AGPS: variants seen among roughly 807,000 people sequenced by gnomAD.
AGPS encodes the protein alkylglycerone phosphate synthase.
Under a neutral mutation model 90.7 loss-of-function variants are expected in AGPS, and 26 were observed. The ratio of observed to expected loss-of-function variants is 0.29; its 90% CI spans 0.21 to 0.40. The LOEUF (loss-of-function observed/expected upper bound fraction) is 0.40. Among genes scored for constraint, AGPS ranks in the 10% least tolerant of loss-of-function variants. The pLI is 1.00. For synonymous variants in AGPS, 294 were observed against 285.3 expected (o/e 1.03, Z -0.31); for missense variants, 540 against 816.1 (o/e 0.66, Z 4.12).
At chr2:177,448,771 G>A (rs1032606762) in intron 8 of AGPS, among the ~76,000 whole-genome samples, 7 of 152,102 alleles carry the variant, frequency 4.6e-5, no homozygotes, top group African/African-American at 9.7e-5. Flanking sequence ...TCACAATCAA[G>A]ATAATGAACA....
chr2:177,441,198 G>T, intron 6 of AGPS, 162 bp downstream of exon 6: 1 of 655,512 alleles, frequency 1.5e-6, no homozygotes, highest in South Asian at 1.9e-5. Flanking sequence ...TTCTAAGTAG[G>T]ATTCCTTAAA....
chr2:177,429,924 G>T (rs1686190323), intron 2 of AGPS, among the ~76,000 whole-genome samples: 1 of 152,234 alleles, frequency 6.6e-6, no homozygotes, highest in South Asian at 2.1e-4. Flanking sequence ...GACATCGGCT[G>T]TGTCTCCCCC....
At chr2:177,497,849 G>T in intron 13 of AGPS, 84 bp downstream of exon 13, 6 of 609,606 alleles carry the variant, frequency 9.8e-6, no homozygotes, top group Middle Eastern at 3.6e-4. Context: ...CTATTGTAAG[G>T]GTGTTTTTCC....
intron 10 of AGPS, 109 bp downstream of exon 10, chr2:177,468,633 T>G: frequency 1.3e-6 from 1 of 771,650 alleles, no homozygotes; most frequent in South Asian, 1.7e-5. Context: ...TTTATATGTT[T>G]AAGGAATTTT....
chr2:177,423,272 A>G, intron 2 of AGPS, among the ~76,000 whole-genome samples: 1 of 131,202 alleles, frequency 7.6e-6, no homozygotes, highest in South Asian at 2.6e-4. Flanking sequence ...GAAGATTGTG[A>G]TATTCCTGAA....
At chr2:177,463,596 G>A (rs544747434) in intron 9 of AGPS, among the ~76,000 whole-genome samples, 1 of 151,998 alleles carries the variant, frequency 6.6e-6, no homozygotes, top group East Asian at 1.9e-4. Flanking sequence ...TTAACACTGA[G>A]GAATTAAAAA....
chr2:177,450,963 C>CATATATATATATAT (rs1400248543), intron 8 of AGPS, among the ~76,000 whole-genome samples: 3 of 6,360 alleles, frequency 4.7e-4, no homozygotes, highest in South Asian at 3.5e-3. Flanking sequence ...ACATGTCTTT[C>CATATATATATATAT]ATATATATAT....
chr2:177,459,925 T>A (rs970223183), intron 8 of AGPS, among the ~76,000 whole-genome samples: 1 of 152,156 alleles, frequency 6.6e-6, no homozygotes, highest in Admixed American at 6.5e-5. Flanking sequence ...CAAATGTCCA[T>A]CAATGATAGA....
chr2:177,444,502 A>G (rs1686711023), intron 7 of AGPS, among the ~76,000 whole-genome samples: 1 of 152,144 alleles, frequency 6.6e-6, no homozygotes, highest in Non-Finnish European at 1.5e-5. Context: ...ATGTAACATA[A>G]AACTAAAAGT....
intron 1 of AGPS, among the ~76,000 whole-genome samples, chr2:177,418,051 T>C (rs1685837087): frequency 6.6e-6 from 1 of 152,126 alleles, no homozygotes; most frequent in Admixed American, 6.5e-5. Flanking sequence ...CTGTTTTGGG[T>C]ATAAATGCAT....
chr2:177,436,625 T>A, intron 3 of AGPS, 139 bp from the exon 4 acceptor site: 1 of 751,620 alleles, frequency 1.3e-6, no homozygotes, highest in Non-Finnish European at 2.2e-6. Flanking sequence ...TCTATATATG[T>A]TGTGTTGTAT....
chr2:177,428,139 G>A (rs903663878), intron 2 of AGPS, among the ~76,000 whole-genome samples: 1 of 152,084 alleles, frequency 6.6e-6, no homozygotes, highest in African/African-American at 2.4e-5. Context: ...TCAGAAACTA[G>A]GATTGCGACA....
intron 19 of AGPS, among the ~76,000 whole-genome samples, chr2:177,531,066 TA>T (rs2105741288): frequency 6.6e-6 from 1 of 152,298 alleles, no homozygotes; most frequent in Non-Finnish European, 1.5e-5. Flanking sequence ...CAGCTGCTGT[TA>T]CCTTTTTTTG....
chr2:177,402,479 G>C (rs1393711127), intron 1 of AGPS, among the ~76,000 whole-genome samples: 1 of 152,220 alleles, frequency 6.6e-6, no homozygotes, highest in East Asian at 1.9e-4. Context: ...ACATTTTTCA[G>C]CTTTTACACC....
chr2:177,436,139 ATTTT>A (rs1172040227), intron 3 of AGPS, among the ~76,000 whole-genome samples: 2 of 82,120 alleles, frequency 2.4e-5, no homozygotes, highest in African/African-American at 4.7e-5. Context: ...GAAATGCTGA[ATTTT>A]TTTTTTTTTT....
Position 177,542,800 on chromosome 2 carries a change from A to C in AGPS, c.*4605A>C, listed in dbSNP as rs910291538. The C allele has an allele frequency of 6.6e-6, 1 of 152,046 alleles. No individual in the cohort carries two copies. Among genetic ancestry groups the C allele is most frequent in the Non-Finnish European group, 1.5e-5 (1 of 67,988 alleles). 9.4% of individuals were successfully genotyped at this position (152,046 alleles called of 1,614,324 possible). A position where few individuals can be genotyped will look rare whatever the true frequency, so the allele number is the denominator to read the frequency against. ...AGTTTCTATAAGTAGTTATTTTTTGAGCTACTTATACTATATCCCCAAAAG... is the reference window on the plus strand; with the variant it reads ...AGTTTCTATAAGTAGTTATTTTTTGCGCTACTTATACTATATCCCCAAAAG... On this transcript the variant is annotated 3_prime_UTR_variant, in exon 20 of 20. Transcript: ENST00000264167.
chr2:177,528,849 CTTTTTTTTTTTT>C (rs71008000), intron 19 of AGPS, among the ~76,000 whole-genome samples: 1 of 79,142 alleles, frequency 1.3e-5, no homozygotes, highest in Non-Finnish European at 2.2e-5. Context: ...CATATTAATC[CTTTTTTTTTTTT>C]TTTTTTTTTT....
At chr2:177,441,694 ATGGAAG>A (rs1361658637) in intron 6 of AGPS, among the ~76,000 whole-genome samples, 2 of 152,204 alleles carry the variant, frequency 1.3e-5, no homozygotes, top group African/African-American at 4.8e-5. Flanking sequence ...TGCAGAACTT[ATGGAAG>A]TATCAGTCAA....
At chr2:177,450,803 G>A (rs890226546) in intron 8 of AGPS, among the ~76,000 whole-genome samples, 4 of 151,712 alleles carry the variant, frequency 2.6e-5, no homozygotes, top group African/African-American at 7.3e-5. Context: ...TTGGGATTTT[G>A]ATTGGGATTG....
Sources: gnomAD v4.1 joint callset for allele counts (sites outside exome capture counted in the v4.1 genomes callset) on GRCh38, gnomAD v4.1.1 for gene constraint, MANE v1.5 for transcripts, NCBI Gene and HGNC (gene_info 2026-07-23, HGNC 2026-07-21) for gene names.